Variants in MIPEP observed in about 807,000 individuals in gnomAD.
MIPEP encodes the protein mitochondrial intermediate peptidase.
MIPEP carries 79 observed loss-of-function variants against 90.3 expected under a neutral mutation model. That is an observed-to-expected ratio of 0.87 (90% CI 0.73 to 1.05). MIPEP has a LOEUF of 1.05. MIPEP is among the 50% of genes least tolerant of loss of function. The pLI is 0.00. For missense variants in MIPEP, 940 were observed against 905.6 expected (o/e 1.04, Z -0.49); for synonymous variants, 334 against 315.8 (o/e 1.06, Z -0.61).
intron 16 of MIPEP, among the ~76,000 whole-genome samples, chr13:23,776,201 C>T (rs1358840629): frequency 6.6e-6 from 1 of 152,086 alleles, no homozygotes. Context: ...CTATTCCCTC[C>T]CCAGTCATAT....
intron 14 of MIPEP, among the ~76,000 whole-genome samples, chr13:23,817,170 C>A (rs1409307877): frequency 6.6e-6 from 1 of 152,208 alleles, no homozygotes; most frequent in Non-Finnish European, 1.5e-5. Context: ...TTCAGACTTT[C>A]ATTAAGTAAT....
intron 16 of MIPEP, among the ~76,000 whole-genome samples, chr13:23,784,841 C>T (rs908138581): frequency 1.3e-5 from 2 of 152,168 alleles, no homozygotes; most frequent in Non-Finnish European, 1.5e-5. Flanking sequence ...TATGAACAGA[C>T]ACTTCTCAAA....
In MIPEP at chr13:23,809,873, C is replaced by T; in HGVS notation, c.1705G>A (p.Ala569Thr). Residue 569 changes from alanine (A) to threonine (T), a missense_variant, in exon 15 of 19, where the codon GCT becomes ACT. Physicochemically the swap from Ala to Thr is moderately conservative, Grantham distance 58. Coordinates refer to ENST00000382172, the MANE Select transcript of MIPEP (RefSeq NM_005932.4). ...ACCTGAAGTTGCATATCAGCTGCAG[C>T]ACAAACCTTTTTAGATTCACAAAGA... The part of the protein sequence containing the change: ...SRLCESKKVC[A>T]AADMQLQVFY... 1 of 1,613,492 alleles carries T rather than the reference C, an allele frequency of 6.2e-7. No homozygotes were observed. Among genetic ancestry groups the T allele is most frequent in the Non-Finnish European group, 8.5e-7 (1 of 1,179,656 alleles).
chr13:23,881,453 T>A (rs4067954), intron 3 of MIPEP, among the ~76,000 whole-genome samples: 5 of 152,344 alleles, frequency 3.3e-5, no homozygotes, highest in East Asian at 1.9e-4. Context: ...GGTTAACTTT[T>A]CGACCCCATT....
intron 7 of MIPEP, among the ~76,000 whole-genome samples, chr13:23,868,720 T>C (rs1566023295): frequency 6.6e-6 from 1 of 152,194 alleles, no homozygotes; most frequent in Non-Finnish European, 1.5e-5. Flanking sequence ...AAAAAACGTA[T>C]TATGTACATT....
chr13:23,805,924 A>G, intron 16 of MIPEP, 26 bp downstream of exon 16: 1 of 1,611,832 alleles, frequency 6.2e-7, no homozygotes, highest in Non-Finnish European at 8.5e-7. Context: ...TCAATACACA[A>G]AACAGAAGCC....
intron 14 of MIPEP, among the ~76,000 whole-genome samples, chr13:23,831,430 T>G (rs934818605): frequency 6.7e-6 from 1 of 150,184 alleles, no homozygotes. Context: ...TTTGTGTTGC[T>G]ATAACAGAAT....
In MIPEP at chr13:23,809,767, G is replaced by C. The variant is rs1953151476; in HGVS notation, c.1728+83C>G. On this transcript the variant is annotated intron_variant, in intron 15 of 18. Coordinates refer to ENST00000382172, the MANE Select transcript of MIPEP (RefSeq NM_005932.4). ...AGAAGCATAATTATTATAATAAATA[G>C]GTATCATTGGCAAGAATGTAAAGTT... is the stretch of plus-strand genomic sequence containing the variant. 6 of 826,268 alleles carry C rather than the reference G, an allele frequency of 7.3e-6. No homozygotes were observed. The East Asian group carries it at 1.5e-4, about 21-fold the overall frequency. 51.2% of individuals were successfully genotyped at this position (826,268 alleles called of 1,614,324 possible). A position where few individuals can be genotyped will look rare whatever the true frequency, so the allele number is the denominator to read the frequency against.
At chr13:23,845,507 C>T (rs1869498023) in intron 10 of MIPEP, among the ~76,000 whole-genome samples, 1 of 152,216 alleles carries the variant, frequency 6.6e-6, no homozygotes, top group Non-Finnish European at 1.5e-5. Flanking sequence ...GCTCACTTCC[C>T]TGCCTTGGTC....
intron 16 of MIPEP, 31 bp from the exon 17 acceptor site, chr13:23,760,248 C>G (rs777574052): frequency 6.2e-7 from 1 of 1,613,698 alleles, no homozygotes. Context: ...CAGCACGGGA[C>G]ACAAGTCAGT....
chr13:23,755,660 C>A (rs565629860), intron 18 of MIPEP, among the ~76,000 whole-genome samples: 1 of 152,112 alleles, frequency 6.6e-6, no homozygotes, highest in African/African-American at 2.4e-5. Flanking sequence ...AAGCATGTTT[C>A]AATGTTCTTA....
intron 4 of MIPEP, among the ~76,000 whole-genome samples, chr13:23,875,756 T>A (rs1463863663): frequency 1.3e-5 from 2 of 152,160 alleles, no homozygotes; most frequent in Non-Finnish European, 2.9e-5. Context: ...CAGAAACATA[T>A]GAAACATTTA....
At chr13:23,791,516 T>A (rs1023550924) in intron 16 of MIPEP, among the ~76,000 whole-genome samples, 2 of 152,142 alleles carry the variant, frequency 1.3e-5, no homozygotes, top group Non-Finnish European at 2.9e-5. Context: ...ACTGCTTGCA[T>A]CTTTGTTCAC....
chr13:23,798,965 T>C (rs1952997615), intron 16 of MIPEP, among the ~76,000 whole-genome samples: 1 of 150,584 alleles, frequency 6.6e-6, no homozygotes, highest in East Asian at 2.0e-4. Flanking sequence ...ACATCCCTCA[T>C]CCCCTCTCTA....
At chr13:23,731,945 T>C (rs977655220) in intron 18 of MIPEP, among the ~76,000 whole-genome samples, 33 of 150,558 alleles carry the variant, frequency 2.2e-4, no homozygotes, top group African/African-American at 7.8e-4. Flanking sequence ...TGAGATACTA[T>C]TACACATCCA....
intron 2 of MIPEP, among the ~76,000 whole-genome samples, chr13:23,883,045 G>A (rs182158083): frequency 1.3e-3 from 197 of 152,084 alleles, no homozygotes; most frequent in Middle Eastern, 3.5e-3. Context: ...TTTATAAAAC[G>A]ATTGCCTTAT....
At chr13:23,798,350 A>C (rs939310351) in intron 16 of MIPEP, among the ~76,000 whole-genome samples, 8 of 152,198 alleles carry the variant, frequency 5.3e-5, no homozygotes, top group African/African-American at 1.9e-4. Flanking sequence ...AATTAGACTT[A>C]ATAGAAATTA....
chr13:23,763,909 T>TAA (rs1952570690), intron 16 of MIPEP, among the ~76,000 whole-genome samples: 2 of 152,256 alleles, frequency 1.3e-5, no homozygotes, highest in South Asian at 2.1e-4. Flanking sequence ...CACTGTTGTT[T>TAA]GAACACAATT....
intron 11 of MIPEP, among the ~76,000 whole-genome samples, chr13:23,841,112 G>C (rs1394673963): frequency 2.0e-5 from 3 of 152,122 alleles, no homozygotes; most frequent in African/African-American, 7.2e-5. Context: ...CTTCTATCAA[G>C]TTCCAAAAAA....
Sources: allele counts gnomAD v4.1 joint callset (sites outside exome capture counted in the v4.1 genomes callset), GRCh38; gene constraint gnomAD v4.1.1; transcripts MANE v1.5; gene names NCBI Gene and HGNC (gene_info 2026-07-23, HGNC 2026-07-21).